Variants in NRXN1 observed in about 807,000 individuals in gnomAD.
The protein encoded by NRXN1 is neurexin-1.
A neutral mutation model predicts 150.9 loss-of-function variants in NRXN1; 39 were observed. That is an observed-to-expected ratio of 0.26 (90% CI 0.20 to 0.34). The LOEUF is 0.34. Among genes scored for constraint, NRXN1 ranks in the 10% least tolerant of loss-of-function variants. NRXN1 has a pLI of 1.00. For synonymous variants in NRXN1, 924 were observed against 757.0 expected, an observed-to-expected ratio of 1.22 and a Z score of -3.62; for missense variants, 1,815 against 1,949.9, an observed-to-expected ratio of 0.93 and a Z score of 1.30.
chr2:50,131,545 G>A (rs976831941), intron 18 of NRXN1, among the ~76,000 whole-genome samples: 2 of 152,154 alleles, frequency 1.3e-5, no homozygotes, highest in African/African-American at 2.4e-5. Flanking sequence ...TCTCCAAAGA[G>A]CTGTGCACAG....
intron 19 of NRXN1, among the ~76,000 whole-genome samples, chr2:50,083,725 G>A (rs57018953): frequency 0.26 from 40,131 of 152,000 alleles, 5,686 homozygotes; most frequent in Admixed American, 0.39. Context: ...TGACTGGTCC[G>A]TTTTGAGAGG....
chr2:50,354,629 T>A (rs978612227), intron 17 of NRXN1, among the ~76,000 whole-genome samples: 1 of 147,660 alleles, frequency 6.8e-6, no homozygotes, highest in Non-Finnish European at 1.5e-5. Flanking sequence ...CTGAAATGGG[T>A]TTTTTTTCCC....
In NRXN1 at chr2:50,791,695, G is replaced by A. The variant is rs537243072; in HGVS notation, c.832+130174C>T. Among the ~76,000 whole-genome samples, 22 of 152,160 alleles carry A rather than the reference G, an allele frequency of 1.4e-4. No individual in the cohort carries two copies. The South Asian group carries it at 1.5e-3, about 10-fold the overall frequency. On this transcript the variant is annotated intron_variant, in intron 5 of 22. Coordinates refer to ENST00000401669, the MANE Select transcript of NRXN1 (RefSeq NM_001330078.2). ...TGCAGCGTATTCAAATTGTATAGCC[G>A]CAATTATACTCCCTGGCTGTGGTAA...
At chr2:50,949,366 C>T (rs1690922855) in intron 2 of NRXN1, among the ~76,000 whole-genome samples, 1 of 151,826 alleles carries the variant, frequency 6.6e-6, no homozygotes, top group East Asian at 1.9e-4. Flanking sequence ...CTGATGTTTC[C>T]AAGAGTCAGA....
chr2:50,181,760 A>C (rs2060733490), intron 18 of NRXN1, among the ~76,000 whole-genome samples: 1 of 152,140 alleles, frequency 6.6e-6, no homozygotes, highest in Non-Finnish European at 1.5e-5. Context: ...TAATTTATCA[A>C]TATATCTACT....
intron 18 of NRXN1, among the ~76,000 whole-genome samples, chr2:50,154,992 C>T (rs1052156985): frequency 2.0e-5 from 3 of 151,540 alleles, no homozygotes; most frequent in Middle Eastern, 6.8e-3. Context: ...AGTATAAAAT[C>T]ATTCAAAATT....
chr2:50,870,509 A>C (rs1417339979), intron 5 of NRXN1, among the ~76,000 whole-genome samples: 1 of 151,944 alleles, frequency 6.6e-6, no homozygotes, highest in African/African-American at 2.4e-5. Flanking sequence ...CTTCCTATGT[A>C]GTCCTAATTA....
intron 5 of NRXN1, among the ~76,000 whole-genome samples, chr2:50,650,771 T>C (rs1685498207): frequency 6.6e-6 from 1 of 152,044 alleles, no homozygotes; most frequent in Non-Finnish European, 1.5e-5. Context: ...ATTTTAAAAC[T>C]CCCTCCCTGT....
In NRXN1 at chr2:50,434,043, A is replaced by ATTTTT. The variant is rs748364051; in HGVS notation, c.3364+31394_3364+31398dup. Among the ~76,000 whole-genome samples, 24 of 72,140 alleles carry ATTTTT rather than the reference A, an allele frequency of 3.3e-4. 1 individual carries two copies. Among genetic ancestry groups the ATTTTT allele is most frequent in the Non-Finnish European group, 4.0e-4 (15 of 37,550 alleles). The allele number at this position is 72,140 out of a possible 152,430, so 47.3% of individuals were successfully genotyped here. ...ACTCCTTGCTTCCGGTATCTAAGCCATTTTTTTTTTTTTTTTTTTTTTTTT... is the reference window on the plus strand; with the variant it reads ...ACTCCTTGCTTCCGGTATCTAAGCCATTTTTTTTTTTTTTTTTTTTTTTTTTTTTT... On this transcript the variant is annotated intron_variant, in intron 17 of 22. Transcript: ENST00000401669.
chr2:49,965,065 A>C (rs866657423), intron 21 of NRXN1, among the ~76,000 whole-genome samples: 1 of 151,826 alleles, frequency 6.6e-6, no homozygotes, highest in Non-Finnish European at 1.5e-5. Context: ...TTTTTGGTAG[A>C]GACAGGGTTT....
chr2:50,981,817 C>T (rs1243839857), intron 2 of NRXN1, among the ~76,000 whole-genome samples: 2 of 133,474 alleles, frequency 1.5e-5, no homozygotes, highest in Admixed American at 7.7e-5. Flanking sequence ...TTTGAATAAA[C>T]AATGTGTGTG....
At chr2:50,570,772 A>C (rs576434595) in intron 8 of NRXN1, among the ~76,000 whole-genome samples, 2 of 152,266 alleles carry the variant, frequency 1.3e-5, no homozygotes, top group South Asian at 2.1e-4. Flanking sequence ...TGCTCATATA[A>C]TCCTGAGTCT....
intron 5 of NRXN1, among the ~76,000 whole-genome samples, chr2:50,857,942 G>A (rs115803442): frequency 0.014 from 2,151 of 152,184 alleles, 52 homozygotes; most frequent in African/African-American, 0.049. Flanking sequence ...TCCAATGTGC[G>A]AGAATCTTTT....
chr2:50,202,776 A>T (rs1308712144), intron 18 of NRXN1, among the ~76,000 whole-genome samples: 1 of 152,128 alleles, frequency 6.6e-6, no homozygotes, highest in Non-Finnish European at 1.5e-5. Flanking sequence ...AAAATACAAC[A>T]TCATTGGTAG....
At chr2:50,689,288 A>G (rs1384017245) in intron 5 of NRXN1, among the ~76,000 whole-genome samples, 9 of 152,280 alleles carry the variant, frequency 5.9e-5, no homozygotes, top group Admixed American at 5.9e-4. Context: ...ACAGGCTTGA[A>G]AAGAAAACCA....
chr2:50,483,373 T>C (rs2090622543), intron 15 of NRXN1, among the ~76,000 whole-genome samples: 1 of 152,196 alleles, frequency 6.6e-6, no homozygotes, highest in Non-Finnish European at 1.5e-5. Flanking sequence ...CAGCAGTCCA[T>C]GACGCTGTTC....
chr2:50,907,823 G>T (rs561427803), intron 5 of NRXN1, among the ~76,000 whole-genome samples: 1 of 152,170 alleles, frequency 6.6e-6, no homozygotes, highest in South Asian at 2.1e-4. Context: ...TTACCCCAGT[G>T]GGATCCATGC....
chr2:50,817,490 A>G (rs958213917), intron 5 of NRXN1, among the ~76,000 whole-genome samples: 2 of 152,090 alleles, frequency 1.3e-5, no homozygotes, highest in African/African-American at 4.8e-5. Flanking sequence ...GAACATTTCC[A>G]TACTTATTTT....
rs1388386394 is a variant in NRXN1 at position 50,143,113 on chromosome 2, T to C, written c.3547-51619A>G. Among the ~76,000 whole-genome samples the C allele has an allele frequency of 1.4e-5, 2 of 143,768 alleles. 1 individual carries two copies. Among genetic ancestry groups the C allele is most frequent in the South Asian group, 4.4e-4 (2 of 4,498 alleles). The allele number at this position is 143,768 out of a possible 152,430, so 94.3% of individuals were successfully genotyped here. On this transcript the variant is annotated intron_variant, in intron 18 of 22. Transcript: ENST00000401669. ...GAAATATGAACACAGGAATGGAAAA[T>C]AGAAAGAAGGAAAGAAGGAAAGGAG...
Sources: gnomAD v4.1 joint callset for allele counts (sites outside exome capture counted in the v4.1 genomes callset) on GRCh38, gnomAD v4.1.1 for gene constraint, MANE v1.5 for transcripts, NCBI Gene and HGNC (gene_info 2026-07-23, HGNC 2026-07-21) for gene names.